Variants in ACP3 observed in about 807,000 individuals in gnomAD.
The protein encoded by ACP3 is prostatic acid phosphatase.
Under a neutral mutation model 45.6 loss-of-function variants are expected in ACP3, and 38 were observed. The ratio of observed to expected loss-of-function variants is 0.83; its 90% CI spans 0.64 to 1.09. The LOEUF (loss-of-function observed/expected upper bound fraction) is 1.09. Ranked by LOEUF, ACP3 falls within the 50% of genes least tolerant of loss-of-function variation. The probability of loss-of-function intolerance (pLI) is 0.00; values close to 1 mark genes in which losing one functional copy is unlikely to be tolerated. For missense variants in ACP3, 466 were observed against 463.2 expected, an observed-to-expected ratio of 1.01 and a Z score of -0.05; for synonymous variants, 162 against 164.7, an observed-to-expected ratio of 0.98 and a Z score of 0.13.
intron 9 of ACP3, among the ~76,000 whole-genome samples, chr3:132,355,042 G>A (rs1251525090): frequency 1.3e-5 from 2 of 152,160 alleles, no homozygotes; most frequent in Non-Finnish European, 2.9e-5. Context: ...TACAATGCAG[G>A]TGTACATTAA....
downstream of ACP3, among the ~76,000 whole-genome samples, chr3:132,363,234 A>G (rs1055906411): frequency 2.5e-4 from 38 of 152,160 alleles, no homozygotes; most frequent in Non-Finnish European, 4.0e-4. Flanking sequence ...TACAATCCTT[A>G]TTTCTACATC....
In ACP3 at chr3:132,352,725, C is replaced by T. The variant is rs777667336; in HGVS notation, c.870C>T (p.Asp290=). The T allele has an allele frequency of 6.2e-7, 1 of 1,609,276 alleles. No homozygotes were observed. Among genetic ancestry groups the T allele is most frequent in the African/African-American group, 1.3e-5 (1 of 74,808 alleles). ...YKKLIMYSAH[D]TTVSGLQMAL... ...ATTGATTTCAATCTCTGTAGCATGA[C>T]ACTACTGTGAGTGGCCTACAGATGG... is the stretch of plus-strand genomic sequence containing the variant. The change falls in exon 9 of 10, where the codon GAC becomes GAT. Residue 290 remains aspartate, a synonymous_variant. Coordinates refer to ENST00000336375, the MANE Select transcript of ACP3 (RefSeq NM_001099.5).
At chr3:132,345,151 C>A in intron 7 of ACP3, 92 bp downstream of exon 7, 1 of 1,200,970 alleles carries the variant, frequency 8.3e-7, no homozygotes, top group Non-Finnish European at 1.2e-6. Context: ...TGTGTGATCT[C>A]AGACAGTTCA....
Position 132,345,000 on chromosome 3 carries a change from T to C in ACP3, c.722T>C (p.Leu241Ser). 1 of 1,613,890 alleles carries C rather than the reference T, an allele frequency of 6.2e-7. No individual in the cohort carries two copies. The highest frequency in any genetic ancestry group is 8.5e-7 in the Non-Finnish European group (1 of 1,179,882). The change falls in exon 7 of 10, where the codon TTG (leucine) becomes TCG (serine). Residue 241 changes from leucine to serine, a missense_variant. Coordinates refer to ENST00000336375, the MANE Select transcript of ACP3 (RefSeq NM_001099.5). ...TMTKLRELSE[L>S]SLLSLYGIHK... ...ACTAAGTTGAGAGAATTGTCAGAAT[T>C]GTCCCTCCTGTCCCTCTATGGAATT... is the stretch of plus-strand genomic sequence containing the variant.
intron 10 of ACP3, among the ~76,000 whole-genome samples, chr3:132,367,169 T>C (rs1938145522): frequency 6.6e-6 from 1 of 152,190 alleles, no homozygotes; most frequent in African/African-American, 2.4e-5. Context: ...CTTTTACTGG[T>C]CAGCTATCAA....
rs549450635 is a variant in ACP3, at chr3:132,324,486, C to T, written c.121-3781C>T. Among the ~76,000 whole-genome samples, 20 of 152,290 alleles carry T rather than the reference C, an allele frequency of 1.3e-4. 1 individual carries two copies. In the South Asian group the frequency reaches 3.9e-3, roughly 30 times the overall value. The stretch of plus-strand genomic sequence containing the variant: ...GAGAATTAGGAGATCTGGACAGCTA[C>T]ATGATCTCTTTGATCATATAGTTTT... On this transcript the variant is annotated intron_variant, in intron 1 of 9. Transcript: ENST00000336375.
At chr3:132,351,055 G>T (rs3804633) in intron 8 of ACP3, among the ~76,000 whole-genome samples, 72,313 of 151,984 alleles carry the variant, frequency 0.48, 17,988 homozygotes, top group Middle Eastern at 0.65. Context: ...TGAAGCCCCA[G>T]ATGAAGTCAA....
At chr3:132,366,070 G>A (rs1334665689) in intron 10 of ACP3, among the ~76,000 whole-genome samples, 2 of 152,024 alleles carry the variant, frequency 1.3e-5, no homozygotes, top group Non-Finnish European at 2.9e-5. Flanking sequence ...GGAGGCTGAG[G>A]CAGATGGATC....
chr3:132,318,037 AC>A (rs1475098805), intron 1 of ACP3, among the ~76,000 whole-genome samples: 1 of 152,230 alleles, frequency 6.6e-6, no homozygotes. Context: ...TTTGTAAACA[AC>A]CTTGAAGCAT....
intron 7 of ACP3, 97 bp from the exon 8 acceptor site, chr3:132,349,823 C>T: frequency 1.3e-6 from 1 of 772,604 alleles, no homozygotes; most frequent in Non-Finnish European, 2.2e-6. Flanking sequence ...TAAGTCATGG[C>T]AGGGAGAGTC....
intron 4 of ACP3, among the ~76,000 whole-genome samples, chr3:132,334,544 T>TA (rs1297408861): frequency 6.6e-6 from 1 of 152,314 alleles, no homozygotes; most frequent in East Asian, 1.9e-4. Flanking sequence ...GAATGAGACT[T>TA]ACGTGCAGTT....
At chr3:132,337,312 T>A (rs902342093) in intron 4 of ACP3, 144 bp from the exon 5 acceptor site, 37 of 513,206 alleles carry the variant, frequency 7.2e-5, no homozygotes, top group Admixed American at 2.0e-4. Context: ...CTCCCCAATT[T>A]TGGAATTTCC....
chr3:132,358,110 C>A lies in ACP3; in HGVS notation c.*1232C>A. 1 of 191,086 alleles carries A rather than the reference C, an allele frequency of 5.2e-6. No individual in the cohort carries two copies. The highest frequency in any genetic ancestry group is 9.6e-6 in the Non-Finnish European group (1 of 104,156). The allele number at this position is 191,086 out of a possible 1,614,324, so 11.8% of individuals were successfully genotyped here. ...AGTTGATTAAGAAAGGAAGTATAGGCCAGGCACAGTGGCTCACACCTGTAA... is the reference window on the plus strand; with the variant it reads ...AGTTGATTAAGAAAGGAAGTATAGGACAGGCACAGTGGCTCACACCTGTAA... On this transcript the variant is annotated 3_prime_UTR_variant, in exon 10 of 10. Coordinates refer to ENST00000336375, the MANE Select transcript of ACP3 (RefSeq NM_001099.5).
rs898355761 is a variant in ACP3 at position 132,332,241 on chromosome 3, C to A, written c.353C>A (p.Thr118Lys). The A allele has an allele frequency of 6.2e-7, 1 of 1,614,160 alleles. No homozygotes were observed. Residue 118 changes from threonine (T) to lysine (K), a missense_variant, in exon 4 of 10, where the codon ACA becomes AAA. Physicochemically the swap from Thr to Lys is moderately conservative, Grantham distance 78. Transcript: ENST00000336375. ...GACCGGACTTTGATGAGTGCTATGACAAACCTGGCAGCCCTGTTTCCCCCA... is the reference window on the plus strand; with the variant it reads ...GACCGGACTTTGATGAGTGCTATGAAAAACCTGGCAGCCCTGTTTCCCCCA... Reference protein sequence around the residue: ...DVDRTLMSAMTNLAALFPPEG... With the variant: ...DVDRTLMSAMKNLAALFPPEG...
In ACP3 at chr3:132,358,273, A is replaced by G. The variant is rs990163669; in HGVS notation, c.*1395A>G. ...ACACATATCAAACTGAAACAAAATTAGAAATGTAATTATGTTCTAAGTGCC... is the reference window on the plus strand; with the variant it reads ...ACACATATCAAACTGAAACAAAATTGGAAATGTAATTATGTTCTAAGTGCC... On this transcript the variant is annotated 3_prime_UTR_variant, in exon 10 of 10. Transcript: ENST00000336375. 6 of 1,109,532 alleles carry G rather than the reference A, an allele frequency of 5.4e-6. No individual in the cohort carries two copies. The highest frequency in any genetic ancestry group is 6.7e-6 in the Non-Finnish European group (6 of 896,528). 68.7% of individuals were successfully genotyped at this position (1,109,532 alleles called of 1,614,324 possible).
At chr3:132,326,349 TA>T (rs1937298300) in intron 1 of ACP3, among the ~76,000 whole-genome samples, 1 of 152,182 alleles carries the variant, frequency 6.6e-6, no homozygotes, top group Non-Finnish European at 1.5e-5. Context: ...ACCTGGGATA[TA>T]AAAACTCTAA....
intron 4 of ACP3, among the ~76,000 whole-genome samples, chr3:132,333,795 G>C (rs113309163): frequency 0.11 from 16,850 of 152,244 alleles, 1,150 homozygotes; most frequent in Non-Finnish European, 0.15. Flanking sequence ...TGGAGGTCAG[G>C]TGCGGTGGCT....
intron 1 of ACP3, among the ~76,000 whole-genome samples, chr3:132,325,743 C>A (rs2107794624): frequency 6.6e-6 from 1 of 152,280 alleles, no homozygotes; most frequent in Non-Finnish European, 1.5e-5. Flanking sequence ...ATGAACCTCT[C>A]ACAGGTGGTT....
chr3:132,323,171 A>G (rs555742203), intron 1 of ACP3, among the ~76,000 whole-genome samples: 16 of 119,572 alleles, frequency 1.3e-4, no homozygotes, highest in East Asian at 8.1e-4. Flanking sequence ...GAAAGAAAGG[A>G]AAAAAAAAAA....
Sources: gnomAD v4.1 joint callset for allele counts (sites outside exome capture counted in the v4.1 genomes callset) on GRCh38, gnomAD v4.1.1 for gene constraint, MANE v1.5 for transcripts, NCBI Gene and HGNC (gene_info 2026-07-23, HGNC 2026-07-21) for gene names.